Variants in EXD3 observed in about 807,000 individuals in gnomAD.
EXD3 encodes exonuclease mut-7 homolog.
A neutral mutation model predicts 98.0 loss-of-function variants in EXD3; 92 were observed. That is an observed-to-expected ratio of 0.94 (90% confidence interval 0.79 to 1.12). The LOEUF (loss-of-function observed/expected upper bound fraction) is 1.12, where lower values mean the gene tolerates loss of function less well. Ranked by LOEUF, EXD3 falls within the 50% of genes most tolerant of loss-of-function variation. EXD3 has a pLI of 0.00. For missense variants in EXD3, 1,222 were observed against 1,191.6 expected (o/e 1.03, Z -0.38); for synonymous variants, 569 against 526.0 (o/e 1.08, Z -1.12).
At chr9:137,319,103 T>A (rs1233320593) in intron 19 of EXD3, among the ~76,000 whole-genome samples, 1 of 152,184 alleles carries the variant, frequency 6.6e-6, no homozygotes, top group Non-Finnish European at 1.5e-5. Flanking sequence ...GCGGAGGCTG[T>A]GAGCCTCAGA....
In EXD3 at chr9:137,328,573, ACACAGGAGC is replaced by A. The variant is rs1264607345; in HGVS notation, c.1999-4439_1999-4431del. 2.5e-4 allele frequency among the ~76,000 whole-genome samples: 38 copies of A among 149,930 alleles called. 1 individual carries two copies. Among genetic ancestry groups the A allele is most frequent in the African/African-American group, 9.0e-4 (36 of 40,218 alleles). Reference sequence around the variant, plus strand: ...GTCAAAGGGAAGAAACAGACTAGTTACACAGGAGCTACACGGGACTACACGGGACTACAC... The same window carrying A: ...GTCAAAGGGAAGAAACAGACTAGTTATACACGGGACTACACGGGACTACAC... On this transcript the variant is annotated intron_variant, in intron 17 of 21. Transcript: ENST00000340951.
At chr9:137,318,327 C>G (rs561197383) in intron 19 of EXD3, among the ~76,000 whole-genome samples, 2 of 152,146 alleles carry the variant, frequency 1.3e-5, no homozygotes, top group Non-Finnish European at 2.9e-5. Context: ...GCCGGCACCC[C>G]CCCTCGTCCC....
At chr9:137,373,195 T>C in intron 4 of EXD3, 123 bp from the exon 5 acceptor site, 10 of 1,282,180 alleles carry the variant, frequency 7.8e-6, no homozygotes, top group Non-Finnish European at 1.1e-5. Context: ...GGGCATCGGG[T>C]GGTCTGCAGG....
At chr9:137,353,820 C>T (rs1364501568) in intron 10 of EXD3, 8 of 986,458 alleles carry the variant, frequency 8.1e-6, no homozygotes, top group South Asian at 4.7e-5. Flanking sequence ...CCCACGGCCT[C>T]GAGGAGGGTC....
intron 2 of EXD3, chr9:137,392,196 G>A (rs1054959254): frequency 1.3e-5 from 2 of 152,332 alleles, no homozygotes; most frequent in Non-Finnish European, 2.9e-5. Context: ...GTGGACATTC[G>A]GATGGGAATG....
intron 20 of EXD3, among the ~76,000 whole-genome samples, chr9:137,309,285 G>A (rs189128831): frequency 6.6e-6 from 1 of 152,288 alleles, no homozygotes; most frequent in Non-Finnish European, 1.5e-5. Flanking sequence ...GTGTGTGTGT[G>A]TCTGTGTGCA....
chr9:137,322,767 C>T (rs1832125539), intron 19 of EXD3, among the ~76,000 whole-genome samples: 2 of 30,964 alleles, frequency 6.5e-5, no homozygotes, highest in African/African-American at 1.9e-4. Flanking sequence ...CACCGCGGAC[C>T]CCCGAGGGAT....
chr9:137,351,965 G>C, intron 12 of EXD3, 101 bp downstream of exon 12: 1 of 1,447,406 alleles, frequency 6.9e-7, no homozygotes, highest in East Asian at 2.5e-5. Flanking sequence ...CTCATGCCCA[G>C]AGGCCTTGCC....
intron 1 of EXD3, among the ~76,000 whole-genome samples, chr9:137,397,261 G>A (rs998841690): frequency 6.6e-6 from 1 of 152,148 alleles, no homozygotes; most frequent in African/African-American, 2.4e-5. Flanking sequence ...AAAGCCGGAG[G>A]ACAGATCCAG....
intron 7 of EXD3, chr9:137,365,983 CACAT>C: frequency 1.8e-6 from 1 of 559,060 alleles, no homozygotes; most frequent in South Asian, 1.6e-5. Flanking sequence ...CAGAGACACA[CACAT>C]GCACACCTGC....
intron 19 of EXD3, among the ~76,000 whole-genome samples, chr9:137,313,205 G>A (rs1327684531): frequency 6.6e-6 from 1 of 152,208 alleles, no homozygotes; most frequent in East Asian, 1.9e-4. Flanking sequence ...AGCATGTGGG[G>A]AACCCGTGTC....
At chr9:137,358,393 G>A (rs112428342) in intron 7 of EXD3, among the ~76,000 whole-genome samples, 73 of 152,248 alleles carry the variant, frequency 4.8e-4, no homozygotes, top group Non-Finnish European at 7.8e-4. Context: ...ACACCGTGCC[G>A]CTCACAAAGA....
At position 137,403,731 on chromosome 9, in the gene EXD3, G is replaced by A. The variant is rs1479154308; in HGVS notation, c.-47-8327C>T. Among the ~76,000 whole-genome samples the A allele has an allele frequency of 6.6e-6, 1 of 152,164 alleles. No homozygotes were observed. Among genetic ancestry groups the A allele is most frequent in the Non-Finnish European group, 1.5e-5 (1 of 68,028 alleles). On this transcript the variant is annotated intron_variant, in intron 1 of 21. Transcript: ENST00000340951. This position sits in a 1 kb window ranked among gnomAD's most constrained non-coding sequence, Gnocchi z 6.1. ...AGCAGGGCAGACCCAGCCACGCAGA[G>A]CCCACCGCCAGCTTCCAAGGGCTCC...
chr9:137,373,730 C>CCGCCA, intron 3 of EXD3, 131 bp from the exon 4 acceptor site: 1 of 1,077,894 alleles, frequency 9.3e-7, no homozygotes, highest in East Asian at 2.6e-5. Flanking sequence ...CAGCCGCCAT[C>CCGCCA]TGCGCCTCCG....
At chr9:137,307,557 C>G in intron 21 of EXD3, 51 bp downstream of exon 21, 1 of 1,599,536 alleles carries the variant, frequency 6.3e-7, no homozygotes, top group East Asian at 2.2e-5. Flanking sequence ...AGCCTGGCAC[C>G]AGGGCCGCAG....
chr9:137,373,273 G>A (rs556718922), intron 4 of EXD3, among the ~76,000 whole-genome samples, 153 bp downstream of exon 4: 13 of 124,302 alleles, frequency 1.0e-4, no homozygotes, highest in East Asian at 4.7e-4. Flanking sequence ...GTGAAGCCAC[G>A]GGCTGAGTCT....
intron 7 of EXD3, among the ~76,000 whole-genome samples, chr9:137,364,723 G>C (rs1400099494): frequency 6.6e-6 from 1 of 150,850 alleles, no homozygotes; most frequent in Non-Finnish European, 1.5e-5. Context: ...TTCGCAATGA[G>C]ACCCCTGGTT....
chr9:137,389,519 G>T (rs1836781239), intron 2 of EXD3, among the ~76,000 whole-genome samples: 1 of 146,526 alleles, frequency 6.8e-6, no homozygotes, highest in Non-Finnish European at 1.6e-5. Context: ...ATGAGGGGGA[G>T]AGCCCACCGT....
Position 137,395,255 on chromosome 9 carries a change from T to C in EXD3, c.55+48A>G. 1.5e-5 allele frequency: 20 copies of C among 1,321,428 alleles called. No individual in the cohort carries two copies. Among genetic ancestry groups the C allele is most frequent in the East Asian group, 2.3e-5 (1 of 43,714 alleles). 81.9% of individuals were successfully genotyped at this position (1,321,428 alleles called of 1,614,324 possible). Reference sequence around the variant, plus strand: ...CACCCCCCATGCACACCCACGCACCTCCCCCCACAGCCCCAGGGAGACTCG... The same window carrying C: ...CACCCCCCATGCACACCCACGCACCCCCCCCCACAGCCCCAGGGAGACTCG... On this transcript the variant is annotated intron_variant, in intron 2 of 21. Coordinates refer to ENST00000340951, the MANE Select transcript of EXD3 (RefSeq NM_017820.5). The surrounding 1 kb of genome is among the most constrained non-coding windows in gnomAD (Gnocchi z 6.5).
Sources: allele counts gnomAD v4.1 joint callset (sites outside exome capture counted in the v4.1 genomes callset), GRCh38; gene constraint gnomAD v4.1.1; non-coding constraint Gnocchi (gnomAD v3.1); transcripts MANE v1.5; gene names NCBI Gene and HGNC (gene_info 2026-07-23, HGNC 2026-07-21).